The following PGM2L1 variants were observed in gnomAD, a reference collection of about 807,000 sequenced individuals.
PGM2L1 encodes glucose 1,6-bisphosphate synthase.
Under a neutral mutation model 73.4 loss-of-function variants are expected in PGM2L1, and 35 were observed. The ratio of observed to expected loss-of-function variants is 0.48; its 90% CI spans 0.36 to 0.63. The LOEUF is 0.63. Among genes scored for constraint, PGM2L1 ranks in the 30% least tolerant of loss-of-function variants. The pLI, the probability that PGM2L1 is intolerant of heterozygous loss-of-function variation, is 0.00. For synonymous variants in PGM2L1, 225 were observed against 253.8 expected, an observed-to-expected ratio of 0.89 and a Z score of 1.08; for missense variants, 570 against 742.0, an observed-to-expected ratio of 0.77 and a Z score of 2.69.
Position 74,336,632 on chromosome 11 carries a change from C to CA in PGM2L1, c.*19dup. 6.5e-7 allele frequency: 1 copy of CA among 1,536,606 alleles called. No homozygotes were observed. Among genetic ancestry groups the CA allele is most frequent in the Non-Finnish European group, 8.9e-7 (1 of 1,119,816 alleles). The stretch of plus-strand genomic sequence containing the variant: ...TCTGTTCCATATGCCCACACAGTGT[C>CA]ATGACATATTGGTGTACCCCTAAAC... On this transcript the variant is annotated 3_prime_UTR_variant, in exon 14 of 14. Transcript: ENST00000298198.
At chr11:74,336,960 G>A (rs1452397474) in intron 13 of PGM2L1, among the ~76,000 whole-genome samples, 2 of 152,054 alleles carry the variant, frequency 1.3e-5, no homozygotes, top group Non-Finnish European at 2.9e-5. Flanking sequence ...AAGGTGAACT[G>A]CATTAATAGG....
At position 74,331,160 on chromosome 11, in the gene PGM2L1, T is replaced by C. The variant is rs1001812743; in HGVS notation, c.*5492A>G. On this transcript the variant is annotated 3_prime_UTR_variant, in exon 14 of 14. Coordinates refer to ENST00000298198, the MANE Select transcript of PGM2L1 (RefSeq NM_173582.6). ...GTCCTTTTTAGTCAAGGAATGCCAATAGTAACAAAACTGTTTCAGGTCAGT... is the reference window on the plus strand; with the variant it reads ...GTCCTTTTTAGTCAAGGAATGCCAACAGTAACAAAACTGTTTCAGGTCAGT... The C allele has an allele frequency of 2.6e-5, 4 of 152,148 alleles. No homozygotes were observed. The highest frequency in any genetic ancestry group is 5.9e-5 in the Non-Finnish European group (4 of 68,030). 9.4% of individuals were successfully genotyped at this position (152,148 alleles called of 1,614,324 possible). A position where few individuals can be genotyped will look rare whatever the true frequency, so the allele number is the denominator to read the frequency against.
intron 5 of PGM2L1, among the ~76,000 whole-genome samples, chr11:74,352,729 T>C (rs1862376871): frequency 2.0e-5 from 3 of 152,274 alleles, no homozygotes; most frequent in East Asian, 3.9e-4. Flanking sequence ...AAACATTATC[T>C]TAAATGCACA....
At chr11:74,382,950 A>C (rs1212888127) in intron 1 of PGM2L1, among the ~76,000 whole-genome samples, 1 of 152,238 alleles carries the variant, frequency 6.6e-6, no homozygotes, top group Non-Finnish European at 1.5e-5. Context: ...TTAAAAACAC[A>C]ATCTGCTACA....
At position 74,351,393 on chromosome 11, in the gene PGM2L1, A is replaced by T; in HGVS notation, c.739T>A (p.Cys247Ser). 6.2e-7 allele frequency: 1 copy of T among 1,613,034 alleles called. No homozygotes were observed. Among genetic ancestry groups the T allele is most frequent in the South Asian group, 1.1e-5 (1 of 90,872 alleles). Reference protein sequence around the residue: ...RRYMEDLKKICFYRELNSKTT... With the variant: ...RRYMEDLKKISFYRELNSKTT... ...TTCTCACTTGGATACCTGTAAAAAC[A>T]GATCTTTTTCAGATCTTCCATGTAT... The change falls in exon 6 of 14, where the codon TGT (cysteine) becomes AGT (serine). Residue 247 changes from cysteine to serine, a missense_variant. Transcript: ENST00000298198.
chr11:74,398,311 C>T lies in PGM2L1; in HGVS notation c.-150G>A, dbSNP rs1190254922. On this transcript the variant is annotated 5_prime_UTR_variant, in exon 1 of 14. Coordinates refer to ENST00000298198, the MANE Select transcript of PGM2L1 (RefSeq NM_173582.6). ...CGCAGGGTGTTCGTAACAGCTCCTG[C>T]CGCGGCGTCAGGGAACCGGGAGAGA... 5 of 1,217,148 alleles carry T rather than the reference C, an allele frequency of 4.1e-6. No homozygotes were observed. The highest frequency in any genetic ancestry group is 4.3e-6 in the Non-Finnish European group (4 of 932,154). 75.4% of individuals were successfully genotyped at this position (1,217,148 alleles called of 1,614,324 possible). A position where few individuals can be genotyped will look rare whatever the true frequency, so the allele number is the denominator to read the frequency against.
At position 74,354,981 on chromosome 11, in the gene PGM2L1, G is replaced by A. The variant is rs189286025; in HGVS notation, c.556-3405C>T. ...TGGCCACAACTGTGAAGTCAGGAAA[G>A]CCCTGTCAAAGCAAGAAGAGATGGC... On this transcript the variant is annotated intron_variant, in intron 5 of 13. Transcript: ENST00000298198. The A allele has an allele frequency of 3.3e-5, 36 of 1,096,056 alleles. No individual in the cohort carries two copies. In the African/African-American group the frequency reaches 5.4e-4, roughly 16 times the overall value. The allele number at this position is 1,096,056 out of a possible 1,614,324, so 67.9% of individuals were successfully genotyped here.
chr11:74,374,089 T>G (rs947108805), intron 2 of PGM2L1, among the ~76,000 whole-genome samples: 3 of 122,038 alleles, frequency 2.5e-5, no homozygotes, highest in Non-Finnish European at 5.4e-5. Context: ...TGAGAAAAAG[T>G]ACACTTTTTT....
At chr11:74,343,062 A>C in intron 10 of PGM2L1, 48 bp from the exon 11 acceptor site, 1 of 1,544,062 alleles carries the variant, frequency 6.5e-7, no homozygotes, top group Non-Finnish European at 8.7e-7. Flanking sequence ...TTAAGGCTAT[A>C]ATTTCAATAG....
rs187159167 is a variant in PGM2L1, at chr11:74,351,885, C to G, written c.556-309G>C. Among the ~76,000 whole-genome samples the G allele has an allele frequency of 3.2e-3, 488 of 151,794 alleles. 3 individuals are homozygous for G. The Middle Eastern group carries it at 0.034, about 11-fold the overall frequency. ...GCTGAGGCAGGAGAATAGCATGAAC[C>G]CCGGAGGCGGAGCTTGCAGTGAGCT... On this transcript the variant is annotated intron_variant, in intron 5 of 13. Transcript: ENST00000298198.
chr11:74,381,177 C>T (rs58462364), intron 1 of PGM2L1, among the ~76,000 whole-genome samples: 5,554 of 152,250 alleles, frequency 0.036, 112 homozygotes, highest in Middle Eastern at 0.092. Flanking sequence ...AATTTCACTC[C>T]AGTATCCTCA....
In PGM2L1 at chr11:74,350,903, GAGAGAGAGAGAGAGAA is replaced by G. The variant is rs1204874009; in HGVS notation, c.749+464_749+479del. ...AAAAAAAAGGAAAGAAAGAAAGAGA[GAGAGAGAGAGAGAGAA>G]AGAGAGAGAGAGAGAGAGAAAGAAA... On this transcript the variant is annotated intron_variant, in intron 6 of 13. Coordinates refer to ENST00000298198, the MANE Select transcript of PGM2L1 (RefSeq NM_173582.6). Among the ~76,000 whole-genome samples the G allele has an allele frequency of 9.3e-3, 1,376 of 147,624 alleles. 25 individuals carry two copies. Among genetic ancestry groups the G allele is most frequent in the African/African-American group, 0.03 (1,220 of 40,528 alleles).
In PGM2L1 at chr11:74,344,608, A is replaced by G. The variant is rs191685206; in HGVS notation, c.1218+861T>C. Reference sequence around the variant, plus strand: ...CAAAATAAAAATTAAAAAGTCAAAAACCTCCCTGCTACAACAAAAACAAGC... The same window carrying G: ...CAAAATAAAAATTAAAAAGTCAAAAGCCTCCCTGCTACAACAAAAACAAGC... On this transcript the variant is annotated intron_variant, in intron 9 of 13. Transcript: ENST00000298198. Among the ~76,000 whole-genome samples the G allele has an allele frequency of 2.6e-5, 4 of 151,978 alleles. No homozygotes were observed. The East Asian group carries it at 7.7e-4, about 29-fold the overall frequency.
rs1862000062 is a variant in PGM2L1 at position 74,330,813 on chromosome 11, CTTGCT to C, written c.*5834_*5838del. 1 of 152,480 alleles carries C rather than the reference CTTGCT, an allele frequency of 6.6e-6. No individual in the cohort carries two copies. Among genetic ancestry groups the C allele is most frequent in the Non-Finnish European group, 1.5e-5 (1 of 68,008 alleles). 9.4% of individuals were successfully genotyped at this position (152,480 alleles called of 1,614,324 possible). On this transcript the variant is annotated 3_prime_UTR_variant, in exon 14 of 14. Coordinates refer to ENST00000298198, the MANE Select transcript of PGM2L1 (RefSeq NM_173582.6). ...ATTTCTTTACCTTCCTGGCCAACACCTTGCTTTGAGTGTAAAATACCAGGCATTAT... is the reference window on the plus strand; with the variant it reads ...ATTTCTTTACCTTCCTGGCCAACACCTTGAGTGTAAAATACCAGGCATTAT...
At chr11:74,355,029 G>T in intron 5 of PGM2L1, 1 of 1,308,660 alleles carries the variant, frequency 7.6e-7, no homozygotes, top group South Asian at 1.2e-5. Flanking sequence ...CAGCCAAAGA[G>T]GTCGAAGTGG....
rs1262686660 is a variant in PGM2L1 at position 74,333,202 on chromosome 11, AG to A, written c.*3449del. 6.6e-6 allele frequency: 1 copy of A among 152,174 alleles called. No homozygotes were observed. Among genetic ancestry groups the A allele is most frequent in the Non-Finnish European group, 1.5e-5 (1 of 68,018 alleles). 9.4% of individuals were successfully genotyped at this position (152,174 alleles called of 1,614,324 possible). A position where few individuals can be genotyped will look rare whatever the true frequency, so the allele number is the denominator to read the frequency against. ...TTTTATTCCCTTAAAAATAAAAAAA[AG>A]ATTTTGAATAGAAGATATTATGAAG... On this transcript the variant is annotated 3_prime_UTR_variant, in exon 14 of 14. Coordinates refer to ENST00000298198, the MANE Select transcript of PGM2L1 (RefSeq NM_173582.6).
chr11:74,352,920 A>T (rs1161319430), intron 5 of PGM2L1, among the ~76,000 whole-genome samples: 1 of 152,194 alleles, frequency 6.6e-6, no homozygotes, highest in Non-Finnish European at 1.5e-5. Context: ...GAGACCCCCA[A>T]ATAAAAATGG....
chr11:74,382,346 G>A (rs1163479700), intron 1 of PGM2L1, among the ~76,000 whole-genome samples: 9 of 152,154 alleles, frequency 5.9e-5, no homozygotes, highest in Non-Finnish European at 1.2e-4. Flanking sequence ...CACCTACAGA[G>A]GCCACTCCTT....
chr11:74,363,696 G>T (rs1862604841), intron 5 of PGM2L1, among the ~76,000 whole-genome samples: 1 of 152,068 alleles, frequency 6.6e-6, no homozygotes, highest in Non-Finnish European at 1.5e-5. Context: ...CCAATAACAG[G>T]CTCTGAAATT....
Sources: gnomAD v4.1 joint callset for allele counts (sites outside exome capture counted in the v4.1 genomes callset) on GRCh38, gnomAD v4.1.1 for gene constraint, MANE v1.5 for transcripts, NCBI Gene and HGNC (gene_info 2026-07-23, HGNC 2026-07-21) for gene names.